The following DISP1 variants were observed in gnomAD, a reference collection of about 807,000 sequenced individuals.
DISP1 encodes protein dispatched homolog 1.
Under a neutral mutation model 37.3 loss-of-function variants are expected in DISP1, and 30 were observed. The observed-to-expected ratio is 0.80, with a 90% CI of 0.60 to 1.09. DISP1 has a LOEUF of 1.09. DISP1 is among the 50% of genes least tolerant of loss of function. The pLI, the probability that DISP1 is intolerant of heterozygous loss-of-function variation, is 0.00. For missense variants in DISP1, 1,598 were observed against 1,879.5 expected, an observed-to-expected ratio of 0.85 and a Z score of 2.77; for synonymous variants, 634 against 690.2, an observed-to-expected ratio of 0.92 and a Z score of 1.28.
At chr1:222,982,716 G>C (rs1332409706) in intron 3 of DISP1, among the ~76,000 whole-genome samples, 2 of 152,172 alleles carry the variant, frequency 1.3e-5, no homozygotes, top group Non-Finnish European at 2.9e-5. Flanking sequence ...AAGCAGCTTA[G>C]ATTGGAGACT....
At chr1:222,875,129 A>T (rs1041309003) in intron 1 of DISP1, among the ~76,000 whole-genome samples, 1 of 152,058 alleles carries the variant, frequency 6.6e-6, no homozygotes. Context: ...GGGATGGGGT[A>T]GGTGAGTCAT....
At chr1:222,880,556 C>T (rs1670218726) in intron 1 of DISP1, among the ~76,000 whole-genome samples, 2 of 152,152 alleles carry the variant, frequency 1.3e-5, no homozygotes, top group African/African-American at 4.8e-5. Context: ...CCTTTCAATG[C>T]TAGGGAATGC....
In DISP1 at chr1:222,855,634, G is replaced by T. The variant is rs953923226; in HGVS notation, c.-159+40556G>T. 3.7e-4 allele frequency among the ~76,000 whole-genome samples: 56 copies of T among 152,116 alleles called. 1 individual carries two copies. The highest frequency in any genetic ancestry group is 7.4e-5 in the Non-Finnish European group (5 of 68,026). Reference sequence around the variant, plus strand: ...CTGATTTTCACAGTTAATCTTATTTGGTTGCTAAATGCCTTACGTACCTAA... The same window carrying T: ...CTGATTTTCACAGTTAATCTTATTTTGTTGCTAAATGCCTTACGTACCTAA... On this transcript the variant is annotated intron_variant, in intron 1 of 8. Transcript: ENST00000675850.
rs773799838 is a variant in DISP1 at position 222,994,890 on chromosome 1, C to G, written c.895C>G (p.Arg299Gly). The G allele has an allele frequency of 1.9e-6, 3 of 1,607,796 alleles. No homozygotes were observed. In the South Asian group the frequency reaches 3.3e-5, roughly 18 times the overall value. ...TTTTTTTTTCATATCACCAGGTGAC[C>G]GATATTCCAGAGTGGTATTTACTTC... ...DSFFCDVPSD[R>G]YSRVVFTSSG... The change falls in exon 8 of 9, where the codon CGA becomes GGA. Residue 299 changes from arginine (R) to glycine (G), a missense_variant. Coordinates refer to ENST00000675850, the MANE Select transcript of DISP1 (RefSeq NM_001377229.1).
intron 1 of DISP1, among the ~76,000 whole-genome samples, chr1:222,916,333 C>T (rs1672492688): frequency 6.6e-6 from 1 of 152,132 alleles, no homozygotes; most frequent in African/African-American, 2.4e-5. Flanking sequence ...GGAGCATTTG[C>T]TGATCCACAC....
At chr1:222,849,929 T>C (rs1668127987) in intron 1 of DISP1, among the ~76,000 whole-genome samples, 1 of 152,128 alleles carries the variant, frequency 6.6e-6, no homozygotes, top group Non-Finnish European at 1.5e-5. Context: ...GGTCTAGAGA[T>C]GCCTTTTAGA....
chr1:222,967,636 A>G (rs372122738), intron 3 of DISP1, among the ~76,000 whole-genome samples: 2 of 152,204 alleles, frequency 1.3e-5, no homozygotes, highest in African/African-American at 2.4e-5. Flanking sequence ...TTCTACATAT[A>G]TAAGACTTTT....
intron 1 of DISP1, among the ~76,000 whole-genome samples, chr1:222,884,465 G>A (rs957324402): frequency 6.6e-6 from 1 of 152,090 alleles, no homozygotes. Flanking sequence ...TCTCCAGTCT[G>A]TCTTTATCTT....
At chr1:222,869,311 A>G (rs1212981878) in intron 1 of DISP1, among the ~76,000 whole-genome samples, 1 of 152,224 alleles carries the variant, frequency 6.6e-6, no homozygotes, top group Non-Finnish European at 1.5e-5. Context: ...ACATAGCACT[A>G]ACAAAGTTGT....
chr1:223,003,740 G>C lies in DISP1; in HGVS notation c.2343G>C (p.Glu781Asp). ...TGTTTGAACGTGTTCACCATGGCGA[G>C]GAGCTCCACATGCCCATCACAGTAA... ...LFMFERVHHGEELHMPITVIW... is the reference protein window; with the variant it reads ...LFMFERVHHGDELHMPITVIW... Residue 781 changes from glutamate (E) to aspartate (D), a missense_variant, in exon 9 of 9, where the codon GAG becomes GAC. Coordinates refer to ENST00000675850, the MANE Select transcript of DISP1 (RefSeq NM_001377229.1). The surrounding 1 kb of genome is among the most constrained non-coding windows in gnomAD (Gnocchi z 4.3). 1 of 1,614,126 alleles carries C rather than the reference G, an allele frequency of 6.2e-7. No individual in the cohort carries two copies. Among genetic ancestry groups the C allele is most frequent in the Non-Finnish European group, 8.5e-7 (1 of 1,180,026 alleles).
intron 4 of DISP1, among the ~76,000 whole-genome samples, chr1:222,988,662 CTTT>C (rs35016383): frequency 7.1e-5 from 9 of 127,004 alleles, no homozygotes; most frequent in Non-Finnish European, 9.8e-5. Flanking sequence ...ATTTCTTTCT[CTTT>C]TTTTTTTTTT....
intron 3 of DISP1, among the ~76,000 whole-genome samples, chr1:222,981,405 G>T (rs1486748029): frequency 6.6e-6 from 1 of 152,180 alleles, no homozygotes; most frequent in Non-Finnish European, 1.5e-5. Context: ...CAACTTCTGA[G>T]ATTGTTCCAT....
At chr1:222,865,237 T>A (rs1003028754) in intron 1 of DISP1, among the ~76,000 whole-genome samples, 11 of 152,126 alleles carry the variant, frequency 7.2e-5, no homozygotes, top group African/African-American at 2.7e-4. Flanking sequence ...ACTTATGGTA[T>A]AGAATTCAAA....
chr1:222,976,657 A>T (rs1038290992), intron 3 of DISP1, among the ~76,000 whole-genome samples: 3 of 152,050 alleles, frequency 2.0e-5, no homozygotes, highest in Non-Finnish European at 4.4e-5. Context: ...ATGAATCTAT[A>T]GTTGTTTCTC....
intron 4 of DISP1, among the ~76,000 whole-genome samples, chr1:222,985,291 C>T (rs957624098): frequency 1.3e-5 from 2 of 152,216 alleles, no homozygotes; most frequent in Admixed American, 1.3e-4. Context: ...CCCTTTCCCA[C>T]CTTGGCTGGA....
At chr1:222,966,132 A>C (rs1676463041) in intron 3 of DISP1, among the ~76,000 whole-genome samples, 1 of 152,204 alleles carries the variant, frequency 6.6e-6, no homozygotes, top group South Asian at 2.1e-4. Flanking sequence ...AAATCAGTGT[A>C]ATTTTTTACA....
rs140195081 is a variant in DISP1 at position 223,003,308 on chromosome 1, G to C, written c.1911G>C (p.Ala637=). 5.0e-4 allele frequency: 799 copies of C among 1,614,128 alleles called. No homozygotes were observed. The highest frequency in any genetic ancestry group is 9.2e-4 in the Admixed American group (55 of 60,018). ...CAATCCGATGCTTTGGGGTTTATGC[G>C]GGGACAGCTATATTGGTGAATTACG... ...ITAIRCFGVY[A]GTAILVNYVL... Residue 637 remains alanine (A), a synonymous_variant, in exon 9 of 9, where the codon GCG becomes GCC. Transcript: ENST00000675850. The surrounding 1 kb of genome is among the most constrained non-coding windows in gnomAD (Gnocchi z 4.3).
chr1:222,934,703 T>A (rs757442774), intron 2 of DISP1, among the ~76,000 whole-genome samples: 1 of 152,138 alleles, frequency 6.6e-6, no homozygotes, highest in Non-Finnish European at 1.5e-5. Flanking sequence ...TCTCTTTATA[T>A]ACCCATCTTT....
intron 1 of DISP1, among the ~76,000 whole-genome samples, chr1:222,851,427 T>A (rs1298698312): frequency 6.6e-6 from 1 of 152,192 alleles, no homozygotes; most frequent in East Asian, 1.9e-4. Context: ...AGGACTTCAC[T>A]AATTTTATGA....
Sources: gnomAD v4.1 joint callset for allele counts (sites outside exome capture counted in the v4.1 genomes callset) on GRCh38, gnomAD v4.1.1 for gene constraint, Gnocchi (gnomAD v3.1) non-coding constraint, MANE v1.5 for transcripts, NCBI Gene and HGNC (gene_info 2026-07-23, HGNC 2026-07-21) for gene names.